Variants in CARMIL3 observed in about 807,000 individuals in gnomAD.
The protein encoded by CARMIL3 is capping protein regulator and myosin 1 linker 3.
A neutral mutation model predicts 180.8 loss-of-function variants in CARMIL3; 88 were observed. The observed-to-expected ratio is 0.49, with a 90% CI of 0.41 to 0.58. The LOEUF (loss-of-function observed/expected upper bound fraction) is 0.58. Among genes scored for constraint, CARMIL3 ranks in the 20% least tolerant of loss-of-function variants. CARMIL3 has a pLI of 0.00. For synonymous variants in CARMIL3, 696 were observed against 714.5 expected (o/e 0.97, Z 0.41); for missense variants, 1,548 against 1,787.0 (o/e 0.87, Z 2.41).
In CARMIL3 at chr14:24,058,837, G is replaced by A; in HGVS notation, c.1475-53G>A. 5.6e-6 allele frequency: 9 copies of A among 1,612,260 alleles called. No individual in the cohort carries two copies. Among genetic ancestry groups the A allele is most frequent in the African/African-American group, 1.3e-5 (1 of 74,976 alleles). On this transcript the variant is annotated intron_variant, in intron 18 of 39. Transcript: ENST00000342740. This position sits in a 1 kb window ranked among gnomAD's most constrained non-coding sequence, Gnocchi z 6.4. ...GAGCATGCAGAAGCAGCCCTGATGG[G>A]ACACCAGTCAGCCTCAGGCCTCCAG...
chr14:24,058,050 C>A lies in CARMIL3; in HGVS notation c.1308C>A (p.Pro436=). ...TCAATCTGTCGGCCACAAAGCTGCC[C>A]CTGGAGGCCCTCAGGTCGGGTGGGT... ...SHVNLSATKL[P]LEALRALLQG... Residue 436 remains proline, a synonymous_variant, in exon 16 of 40, where the codon CCC becomes CCA. Coordinates refer to ENST00000342740, the MANE Select transcript of CARMIL3 (RefSeq NM_138360.4). This position sits in a 1 kb window ranked among gnomAD's most constrained non-coding sequence, Gnocchi z 6.4. 6.2e-7 allele frequency: 1 copy of A among 1,613,862 alleles called. No individual in the cohort carries two copies. Among genetic ancestry groups the A allele is most frequent in the Non-Finnish European group, 8.5e-7 (1 of 1,180,024 alleles).
At chr14:24,060,811 G>T in intron 25 of CARMIL3, 55 bp downstream of exon 25, 2 of 1,589,768 alleles carry the variant, frequency 1.3e-6, no homozygotes, top group South Asian at 2.3e-5. Flanking sequence ...CAAGAAGGCC[G>T]ACCATGCTAA....
Position 24,060,023 on chromosome 14 carries a change from A to G in CARMIL3, c.1922A>G (p.Tyr641Cys). The G allele has an allele frequency of 6.2e-7, 1 of 1,613,994 alleles. No homozygotes were observed. Among genetic ancestry groups the G allele is most frequent in the Non-Finnish European group, 8.5e-7 (1 of 1,180,016 alleles). Residue 641 changes from tyrosine (Y) to cysteine (C), a missense_variant, in exon 23 of 40, where the codon TAT becomes TGT. Tyr to Cys is a radical substitution (Grantham distance 194, BLOSUM62 -2). Around this residue, in one of 4 missense-constraint regions of CARMIL3, gnomAD observed 297 missense variants for 415.9 expected, o/e 0.71. Transcript: ENST00000342740. The part of the protein sequence containing the change: ...SFPVSDISQA[Y>C]RSAPERTEDV... Reference sequence around the variant, plus strand: ...CCCGTGAGCGACATCTCCCAAGCCTATCGCAGCGCGCCTGAGCGCACCGAG... The same window carrying G: ...CCCGTGAGCGACATCTCCCAAGCCTGTCGCAGCGCGCCTGAGCGCACCGAG...
In CARMIL3 at chr14:24,068,573, C is replaced by CTCTCT. The variant is rs771025231; in HGVS notation, c.3683-9_3683-8insTCTTC. 1 of 1,598,672 alleles carries CTCTCT rather than the reference C, an allele frequency of 6.3e-7. No individual in the cohort carries two copies. The highest frequency in any genetic ancestry group is 1.1e-5 in the South Asian group (1 of 89,758). ...CCTTTTCCTGCAGCTTCTCCTCTCT[C>CTCTCT]TCATCCCCAGCTGAAGAGAGTGCCC... On this transcript the variant is annotated splice_polypyrimidine_tract_variant and intron_variant, in intron 36 of 39. Coordinates refer to ENST00000342740, the MANE Select transcript of CARMIL3 (RefSeq NM_138360.4).
In CARMIL3 at chr14:24,060,147, T is replaced by A. The variant is rs2035718021; in HGVS notation, c.1963-10T>A. 2 of 1,614,036 alleles carry A rather than the reference T, an allele frequency of 1.2e-6. No homozygotes were observed. Among genetic ancestry groups the A allele is most frequent in the African/African-American group, 2.7e-5 (2 of 75,048 alleles). On this transcript the variant is annotated splice_polypyrimidine_tract_variant and intron_variant, in intron 23 of 39. Transcript: ENST00000342740. ...CCCAGGCCCTGACCCACCAACCCCA[T>A]CATCTCCAGATCCAATGGTGCTTAG...
In CARMIL3 at chr14:24,069,223, A is replaced by C. The variant is rs146434179; in HGVS notation, c.4069A>C (p.Arg1357=). The change falls in exon 39 of 40, where the codon AGA becomes CGA. Residue 1357 remains arginine (R), a synonymous_variant. Transcript: ENST00000342740. ...GTCCTGTGACAAGCTGGAACCTGAT[A>C]GAAGACGGCCTCCTGACCCCACAGG... The part of the protein sequence containing the change: ...AQSCDKLEPD[R]RRPPDPTGTS... 159 of 1,613,892 alleles carry C rather than the reference A, an allele frequency of 9.9e-5. No homozygotes were observed. In the African/African-American group the frequency reaches 1.7e-3, roughly 17 times the overall value.
At chr14:24,056,545 GC>G in intron 11 of CARMIL3, 76 bp from the exon 12 acceptor site, 1 of 1,522,532 alleles carries the variant, frequency 6.6e-7, no homozygotes. Flanking sequence ...CCCTACTCGA[GC>G]CCCCAACCTG....
Position 24,061,580 on chromosome 14 carries a change from G to A in CARMIL3, c.2388G>A (p.Leu796=). Residue 796 remains leucine (L), a synonymous_variant, in exon 27 of 40, where the codon CTG becomes CTA. Transcript: ENST00000342740. This position sits in a 1 kb window ranked among gnomAD's most constrained non-coding sequence, Gnocchi z 4.1. Reference sequence around the variant, plus strand: ...TGGCCGAGGGACACAACAAGATGCTGAGCAATGTGGCGGAGCGTGTCACTG... The same window carrying A: ...TGGCCGAGGGACACAACAAGATGCTAAGCAATGTGGCGGAGCGTGTCACTG... ...MRVAEGHNKM[L]SNVAERVTVP... 2 of 1,614,000 alleles carry A rather than the reference G, an allele frequency of 1.2e-6. No individual in the cohort carries two copies. Among genetic ancestry groups the A allele is most frequent in the Non-Finnish European group, 8.5e-7 (1 of 1,179,984 alleles).
At position 24,052,149 on chromosome 14, in the gene CARMIL3, C is replaced by T. The variant is rs888271985; in HGVS notation, c.-5C>T. 1.9e-6 allele frequency: 3 copies of T among 1,580,912 alleles called. No individual in the cohort carries two copies. Among genetic ancestry groups the T allele is most frequent in the Admixed American group, 1.7e-5 (1 of 58,184 alleles). On this transcript the variant is annotated 5_prime_UTR_variant, in exon 1 of 40. Transcript: ENST00000342740. ...TCTGCAGCAGCCTCAGCAGCAGCGG[C>T]CGCCATGGCCAAGCCCAGCGTGGAG...
chr14:24,054,170 G>A lies in CARMIL3; in HGVS notation c.186+32G>A. 6.2e-7 allele frequency: 1 copy of A among 1,614,108 alleles called. No homozygotes were observed. Among genetic ancestry groups the A allele is most frequent in the South Asian group, 1.1e-5 (1 of 91,078 alleles). ...TGGGCTGAGGAGCAGGAGAGCACCT[G>A]GCATGCTCCCTACCTCCCAAGCCTG... On this transcript the variant is annotated intron_variant, in intron 3 of 39. Coordinates refer to ENST00000342740, the MANE Select transcript of CARMIL3 (RefSeq NM_138360.4). This position sits in a 1 kb window ranked among gnomAD's most constrained non-coding sequence, Gnocchi z 5.1.
At chr14:24,068,500 A>T in intron 36 of CARMIL3, 84 bp from the exon 37 acceptor site, 1 of 1,255,304 alleles carries the variant, frequency 8.0e-7, no homozygotes, top group Non-Finnish European at 1.1e-6. Context: ...CCTGGCCTCC[A>T]GGGCTTCAGT....
intron 33 of CARMIL3, 42 bp downstream of exon 33, chr14:24,065,315 C>G: frequency 6.9e-7 from 1 of 1,454,604 alleles, no homozygotes; most frequent in Non-Finnish European, 9.1e-7. Flanking sequence ...CTTTTCCTGC[C>G]CCACACTTAA....
chr14:24,056,890 C>G, intron 12 of CARMIL3, 25 bp from the exon 13 acceptor site: 2 of 1,610,864 alleles, frequency 1.2e-6, no homozygotes, highest in Non-Finnish European at 1.7e-6. Flanking sequence ...AGGGGCCAAC[C>G]CAGCCCAGTG....
At position 24,063,394 on chromosome 14, in the gene CARMIL3, T is replaced by C. The variant is rs757710451; in HGVS notation, c.2840T>C (p.Leu947Pro). 3.7e-6 allele frequency: 6 copies of C among 1,613,510 alleles called. No homozygotes were observed. In the East Asian group the frequency reaches 6.7e-5, roughly 18 times the overall value. ...ATCCCCCCTGGCTGGTTCTCAGGAC[T>C]TGGGGGCAGCCAGCCCACAGCTAGT... The part of the protein sequence containing the change: ...LGIPPGWFSG[L>P]GGSQPTASGS... The change falls in exon 31 of 40, where the codon CTT (leucine) becomes CCT (proline). Residue 947 changes from leucine to proline, a missense_variant. Leu to Pro is a moderately conservative substitution (Grantham distance 98). Around this residue, in one of 4 missense-constraint regions of CARMIL3, gnomAD observed 668 missense variants for 687.8 expected, o/e 0.97. Transcript: ENST00000342740.
Position 24,058,897 on chromosome 14 carries a change from C to A in CARMIL3, c.1482C>A (p.Asp494Glu). The A allele has an allele frequency of 6.2e-7, 1 of 1,614,244 alleles. No homozygotes were observed. Among genetic ancestry groups the A allele is most frequent in the Non-Finnish European group, 8.5e-7 (1 of 1,180,046 alleles). ...CTCCCATCTGCTCACCAGGGTTCGA[C>A]TCGGACCTCCTGACACTGGTGCCTG... The part of the protein sequence containing the change: ...GSLDLSDNGF[D>E]SDLLTLVPAL... Residue 494 changes from aspartate (D) to glutamate (E), a missense_variant, in exon 19 of 40, where the codon GAC becomes GAA. This residue lies in a region of CARMIL3 where 578 missense variants were observed against 666.5 expected (regional missense o/e 0.87). Transcript: ENST00000342740. The surrounding 1 kb of genome is among the most constrained non-coding windows in gnomAD (Gnocchi z 6.4).
In CARMIL3 at chr14:24,061,605, G is replaced by C. The variant is rs1367629485; in HGVS notation, c.2413G>C (p.Val805Leu). ...MLSNVAERVT[V>L]PRNFIRGALL... ...GAGCAATGTGGCGGAGCGTGTCACT[G>C]TGCCCCGGAACTTCATCCGAGGGGC... Residue 805 changes from valine to leucine, a missense_variant, in exon 27 of 40, where the codon GTG becomes CTG. Val to Leu is a conservative substitution (Grantham distance 32, BLOSUM62 1). Around this residue, in one of 4 missense-constraint regions of CARMIL3, gnomAD observed 297 missense variants for 415.9 expected, o/e 0.71. Coordinates refer to ENST00000342740, the MANE Select transcript of CARMIL3 (RefSeq NM_138360.4). This position sits in a 1 kb window ranked among gnomAD's most constrained non-coding sequence, Gnocchi z 4.1. 5.0e-6 allele frequency: 8 copies of C among 1,613,998 alleles called. No homozygotes were observed. Among genetic ancestry groups the C allele is most frequent in the Middle Eastern group, 1.7e-4 (1 of 6,060 alleles).
At position 24,069,187 on chromosome 14, in the gene CARMIL3, C is replaced by T. The variant is rs1176304370; in HGVS notation, c.4033C>T (p.Arg1345Trp). Residue 1345 changes from arginine to tryptophan, a missense_variant, in exon 39 of 40, where the codon CGG (arginine) becomes TGG (tryptophan). This residue lies in a region of CARMIL3 where 668 missense variants were observed against 687.8 expected (regional missense o/e 0.97). Transcript: ENST00000342740. Reference sequence around the variant, plus strand: ...TGCCCCCCTGAAGCCCAAGAGGACACGGCGGGCACAGTCCTGTGACAAGCT... The same window carrying T: ...TGCCCCCCTGAAGCCCAAGAGGACATGGCGGGCACAGTCCTGTGACAAGCT... ...RTAPLKPKRT[R>W]RAQSCDKLEP... 53 of 1,613,934 alleles carry T rather than the reference C, an allele frequency of 3.3e-5. 1 individual carries two copies. Among genetic ancestry groups the T allele is most frequent in the South Asian group, 5.5e-5 (5 of 91,090 alleles).
chr14:24,063,632 G>T, intron 31 of CARMIL3, 99 bp downstream of exon 31: 1 of 1,228,616 alleles, frequency 8.1e-7, no homozygotes, highest in Non-Finnish European at 1.1e-6. Context: ...CAGTAGCCTT[G>T]AGGGATTGGG....
chr14:24,053,646 C>A, intron 1 of CARMIL3, 63 bp from the exon 2 acceptor site: 2 of 1,252,120 alleles, frequency 1.6e-6, no homozygotes, highest in Non-Finnish European at 2.3e-6. Flanking sequence ...ATCTGGAGAG[C>A]TCTGGGAGGT....
Sources: allele counts gnomAD v4.1 joint callset, GRCh38; gene constraint gnomAD v4.1.1; regional missense constraint gnomAD v4.1.1; non-coding constraint Gnocchi (gnomAD v3.1); transcripts MANE v1.5; gene names NCBI Gene and HGNC (gene_info 2026-07-23, HGNC 2026-07-21).